NEBL: variants seen among roughly 807,000 people sequenced by gnomAD.
NEBL encodes the protein LIM and SH3 protein 2.
NEBL carries 122 observed loss-of-function variants against 140.2 expected under a neutral mutation model. The observed-to-expected ratio is 0.87, with a 90% CI of 0.75 to 1.01. NEBL has a LOEUF of 1.01. NEBL is among the 50% of genes least tolerant of loss of function. The probability of loss-of-function intolerance (pLI) is 0.00; values close to 1 mark genes in which losing one functional copy is unlikely to be tolerated. For synonymous variants in NEBL, 436 were observed against 398.9 expected, an observed-to-expected ratio of 1.09 and a Z score of -1.11; for missense variants, 1,365 against 1,231.3, an observed-to-expected ratio of 1.11 and a Z score of -1.62.
chr10:21,016,857 C>A (rs1454746366), intron 3 of NEBL, among the ~76,000 whole-genome samples: 1 of 152,170 alleles, frequency 6.6e-6, no homozygotes, highest in Admixed American at 6.5e-5. Flanking sequence ...GATACCTACC[C>A]ACGTTTTTGC....
intron 26 of NEBL, among the ~76,000 whole-genome samples, chr10:20,791,850 G>A (rs1384324172): frequency 1.3e-5 from 2 of 152,204 alleles, no homozygotes; most frequent in African/African-American, 2.4e-5. Context: ...TACGCAGAGT[G>A]CGTGAAAGAA....
In NEBL at chr10:20,817,610, T is replaced by A. The variant is rs1169954408; in HGVS notation, c.2138A>T (p.Asn713Ile). ...ELKRAKENQK[N>I]ISNVYYRGQL... The stretch of plus-strand genomic sequence containing the variant: ...CTAAGATGATCACACATTGCTGATG[T>A]TTTTCTGGTTTTCTTTTGCCCTCTT... Residue 713 changes from asparagine to isoleucine, a missense_variant, in exon 21 of 28, where the codon AAC becomes ATC. This residue lies in a region of NEBL where 1,323 missense variants were observed against 1,154.8 expected (regional missense o/e 1.15). Transcript: ENST00000377122. The A allele has an allele frequency of 6.2e-7, 1 of 1,611,996 alleles. No individual in the cohort carries two copies. Among genetic ancestry groups the A allele is most frequent in the Non-Finnish European group, 8.5e-7 (1 of 1,178,142 alleles).
chr10:21,288,820 G>A (rs71491179), intron 1 of NEBL, among the ~76,000 whole-genome samples: 16,364 of 30,736 alleles, frequency 0.53, 4,274 homozygotes, highest in East Asian at 0.62. Flanking sequence ...GTGTGTGTGT[G>A]TATATATATA....
intron 11 of NEBL, among the ~76,000 whole-genome samples, chr10:20,849,346 TG>T (rs967147412): frequency 3.3e-5 from 5 of 152,164 alleles, no homozygotes; most frequent in African/African-American, 1.2e-4. Context: ...AATTGTTTAT[TG>T]AAAAAAAATC....
chr10:20,952,456 A>T (rs1282513684), intron 4 of NEBL, among the ~76,000 whole-genome samples: 3 of 151,796 alleles, frequency 2.0e-5, no homozygotes, highest in Admixed American at 2.0e-4. Context: ...AAAAAAAAAA[A>T]AAAGAACTGG....
chr10:21,211,477 AAAAC>A (rs1477883231), intron 3 of NEBL, among the ~76,000 whole-genome samples: 9 of 152,162 alleles, frequency 5.9e-5, no homozygotes, highest in East Asian at 3.8e-4. Context: ...TCACAAAAGA[AAAAC>A]AAACAAACAA....
At chr10:21,227,898 A>C (rs1842193684) in intron 3 of NEBL, among the ~76,000 whole-genome samples, 1 of 151,536 alleles carries the variant, frequency 6.6e-6, no homozygotes, top group Non-Finnish European at 1.5e-5. Flanking sequence ...AAGAGCACTC[A>C]TAAAAATGTA....
intron 3 of NEBL, among the ~76,000 whole-genome samples, chr10:21,235,306 A>G (rs1011082699): frequency 2.6e-5 from 4 of 152,152 alleles, no homozygotes; most frequent in Non-Finnish European, 5.9e-5. Flanking sequence ...TTAAAAAAAA[A>G]TCCAAATGTT....
intron 3 of NEBL, among the ~76,000 whole-genome samples, chr10:21,186,391 T>C (rs1037401705): frequency 6.6e-6 from 1 of 151,656 alleles, no homozygotes; most frequent in Non-Finnish European, 1.5e-5. Flanking sequence ...GACTAGGTCA[T>C]GAGGGTGTAT....
At chr10:20,900,861 A>AT (rs1427720527), upstream of NEBL, among the ~76,000 whole-genome samples, 2 of 149,252 alleles carry the variant, frequency 1.3e-5, no homozygotes, top group Non-Finnish European at 3.0e-5. Context: ...AAAAGAAAAA[A>AT]GAAAAAAATT....
chr10:21,164,646 G>A (rs1440999831), intron 2 of NEBL, among the ~76,000 whole-genome samples: 1 of 152,072 alleles, frequency 6.6e-6, no homozygotes, highest in Non-Finnish European at 1.5e-5. Context: ...ATTGCAAATG[G>A]GACAGAGAAC....
Position 20,780,717 on chromosome 10 carries a change from C to G in NEBL, c.*5030G>C, listed in dbSNP as rs1458908396. ...AATGTGTTATAATGTTTTACAAATA[C>G]AGAGAGAAAACACAGAATATTAAGA... is the stretch of plus-strand genomic sequence containing the variant. On this transcript the variant is annotated 3_prime_UTR_variant, in exon 28 of 28. Transcript: ENST00000377122. 1 of 152,052 alleles carries G rather than the reference C, an allele frequency of 6.6e-6. No homozygotes were observed. The highest frequency in any genetic ancestry group is 6.6e-5 in the Admixed American group (1 of 15,258). 9.4% of individuals were successfully genotyped at this position (152,052 alleles called of 1,614,324 possible).
chr10:21,062,311 G>A (rs556652070), intron 2 of NEBL, among the ~76,000 whole-genome samples: 27 of 152,148 alleles, frequency 1.8e-4, no homozygotes, highest in African/African-American at 6.0e-4. Flanking sequence ...CAATGAGGTA[G>A]AAAGAGATGA....
intron 4 of NEBL, among the ~76,000 whole-genome samples, chr10:20,884,773 T>C (rs543563812): frequency 2.7e-4 from 41 of 152,354 alleles, no homozygotes; most frequent in African/African-American, 8.9e-4. Context: ...GTAGCGTGAA[T>C]TGCTTCTATG....
At chr10:21,189,832 T>C (rs1230074522) in intron 3 of NEBL, among the ~76,000 whole-genome samples, 1 of 152,182 alleles carries the variant, frequency 6.6e-6, no homozygotes, top group Non-Finnish European at 1.5e-5. Context: ...GAGAAACTAA[T>C]CCAACAATTT....
chr10:21,050,814 G>A (rs1834746810), intron 2 of NEBL, among the ~76,000 whole-genome samples: 1 of 152,020 alleles, frequency 6.6e-6, no homozygotes, highest in Admixed American at 6.6e-5. Context: ...GTAGAATGCA[G>A]AAAAAGTCAT....
chr10:21,123,441 A>G (rs1838669263), intron 2 of NEBL, among the ~76,000 whole-genome samples: 1 of 152,154 alleles, frequency 6.6e-6, no homozygotes, highest in African/African-American at 2.4e-5. Context: ...TTTATCATCA[A>G]CTTTATTCAT....
intron 23 of NEBL, 29 bp from the exon 24 acceptor site, chr10:20,812,969 T>A (rs749702314): frequency 6.3e-7 from 1 of 1,595,850 alleles, no homozygotes; most frequent in Non-Finnish European, 8.6e-7. Context: ...TCATACTGAA[T>A]TTTGCGGATA....
At chr10:21,210,745 A>G (rs902956668) in intron 3 of NEBL, among the ~76,000 whole-genome samples, 2 of 152,024 alleles carry the variant, frequency 1.3e-5, no homozygotes, top group Non-Finnish European at 2.9e-5. Flanking sequence ...CAATAATTGG[A>G]CTCCTGAGAC....
Sources: gnomAD v4.1 joint callset for allele counts (sites outside exome capture counted in the v4.1 genomes callset) on GRCh38, gnomAD v4.1.1 for gene constraint, gnomAD v4.1.1 regional missense constraint, MANE v1.5 for transcripts, NCBI Gene and HGNC (gene_info 2026-07-23, HGNC 2026-07-21) for gene names.